ITGAM: variants seen among roughly 807,000 people sequenced by gnomAD.
The protein encoded by ITGAM is integrin alpha-M.
Under a neutral mutation model 137.5 loss-of-function variants are expected in ITGAM, and 79 were observed. The ratio of observed to expected loss-of-function variants is 0.57; its 90% CI spans 0.48 to 0.69. The LOEUF (loss-of-function observed/expected upper bound fraction) is 0.69, where lower values mean the gene tolerates loss of function less well. Ranked by LOEUF, ITGAM falls within the 30% of genes least tolerant of loss-of-function variation. The probability of loss-of-function intolerance (pLI) is 0.00; values close to 1 mark genes in which losing one functional copy is unlikely to be tolerated. For missense variants in ITGAM, 1,343 were observed against 1,483.5 expected (o/e 0.91, Z 1.56); for synonymous variants, 583 against 592.3 (o/e 0.98, Z 0.23).
Position 31,329,124 on chromosome 16 carries a change from C to A in ITGAM, c.2793-104C>A, listed in dbSNP as rs969272865. The A allele has an allele frequency of 6.0e-6, 3 of 502,226 alleles. No homozygotes were observed. The African/African-American group carries it at 6.0e-5, about 10-fold the overall frequency. 31.1% of individuals were successfully genotyped at this position (502,226 alleles called of 1,614,324 possible). ...ATCTCCACCCCCCAGGACTTCATAC[C>A]CATTACCCATGTGCCTGTTCGCTCC... is the stretch of plus-strand genomic sequence containing the variant. On this transcript the variant is annotated intron_variant, in intron 23 of 29. Coordinates refer to ENST00000544665, the MANE Select transcript of ITGAM (RefSeq NM_000632.4).
intron 28 of ITGAM, 36 bp from the exon 29 acceptor site, chr16:31,331,129 A>C: frequency 9.1e-7 from 1 of 1,093,942 alleles, no homozygotes; most frequent in Non-Finnish European, 1.4e-6. Context: ...AGAAATCCAG[A>C]GTCGTCTCCC....
chr16:31,270,744 T>TATATATATATA (rs1567248965), intron 5 of ITGAM, among the ~76,000 whole-genome samples: 1 of 106,110 alleles, frequency 9.4e-6, no homozygotes, highest in Non-Finnish European at 1.9e-5. Flanking sequence ...TATATATATA[T>TATATATATATA]GTTTTTAACG....
chr16:31,302,698 CTAA>C (rs2080219927), intron 14 of ITGAM, among the ~76,000 whole-genome samples: 1 of 149,880 alleles, frequency 6.7e-6, no homozygotes, highest in Admixed American at 6.6e-5. Context: ...CTACGCCTGG[CTAA>C]TATTTTTCTC....
At position 31,325,530 on chromosome 16, in the gene ITGAM, G is replaced by A; in HGVS notation, c.2536G>A (p.Ala846Thr). The A allele has an allele frequency of 6.2e-7, 1 of 1,613,926 alleles. No homozygotes were observed. Among genetic ancestry groups the A allele is most frequent in the Non-Finnish European group, 8.5e-7 (1 of 1,179,872 alleles). ...GCGCTCACAGCGATCCTGGCGCCTG[G>A]CCTGTGAGTCTGCCTCCTCCACCGA... is the stretch of plus-strand genomic sequence containing the variant. The part of the protein sequence containing the change: ...NQRSQRSWRL[A>T]CESASSTEVS... The change falls in exon 21 of 30, where the codon GCC (alanine) becomes ACC (threonine). Residue 846 changes from alanine to threonine, a missense_variant. Physicochemically the swap from Ala to Thr is moderately conservative, Grantham distance 58 (BLOSUM62 0). Coordinates refer to ENST00000544665, the MANE Select transcript of ITGAM (RefSeq NM_000632.4).
intron 14 of ITGAM, among the ~76,000 whole-genome samples, chr16:31,311,989 C>T: frequency 6.6e-6 from 1 of 151,788 alleles, no homozygotes; most frequent in East Asian, 1.9e-4. Flanking sequence ...TTTGTAGGGA[C>T]ATGGATGAAG....
At chr16:31,262,323 C>T (rs1160988173) in intron 2 of ITGAM, among the ~76,000 whole-genome samples, 18 of 145,490 alleles carry the variant, frequency 1.2e-4, no homozygotes, top group African/African-American at 3.7e-4. Flanking sequence ...CCTTCCCTCC[C>T]TTCCCTCCCT....
intron 13 of ITGAM, 31 bp from the exon 14 acceptor site, chr16:31,297,714 G>C: frequency 6.3e-7 from 1 of 1,595,176 alleles, no homozygotes; most frequent in Non-Finnish European, 8.5e-7. Context: ...GGTCGCCTGG[G>C]TTGGGGCCTG....
In ITGAM at chr16:31,272,004, C is replaced by G; in HGVS notation, c.704+12C>G. The G allele has an allele frequency of 6.2e-7, 1 of 1,613,884 alleles. No individual in the cohort carries two copies. Among genetic ancestry groups the G allele is most frequent in the Non-Finnish European group, 8.5e-7 (1 of 1,179,844 alleles). ...ATCCGCAAAGTGGTGTAAGCTTCCCCTTTTCCCTTAGGATGGAGGGAGGAG... is the reference window on the plus strand; with the variant it reads ...ATCCGCAAAGTGGTGTAAGCTTCCCGTTTTCCCTTAGGATGGAGGGAGGAG... On this transcript the variant is annotated intron_variant, in intron 7 of 29. Transcript: ENST00000544665.
chr16:31,267,260 A>G (rs1169715857), intron 5 of ITGAM, among the ~76,000 whole-genome samples: 1 of 151,898 alleles, frequency 6.6e-6, no homozygotes, highest in Non-Finnish European at 1.5e-5. Flanking sequence ...GCTTGTCTTC[A>G]TGTTGATTCT....
In ITGAM at chr16:31,267,382, C is replaced by T. The variant is rs576217787; in HGVS notation, c.427+1235C>T. On this transcript the variant is annotated intron_variant, in intron 5 of 29. Transcript: ENST00000544665. ...CCTTCCTCCACAGAGAAAACAAAAG[C>T]TTCAGGCATGGACTCCCTCCACTTT... Among the ~76,000 whole-genome samples the T allele has an allele frequency of 4.6e-5, 7 of 152,242 alleles. No homozygotes were observed. In the South Asian group the frequency reaches 1.5e-3, roughly 32 times the overall value.
intron 12 of ITGAM, among the ~76,000 whole-genome samples, chr16:31,284,330 G>T (rs2080004201): frequency 1.3e-5 from 2 of 152,218 alleles, no homozygotes; most frequent in Admixed American, 1.3e-4. Context: ...CAGAGGTGGA[G>T]TCTACAGAGG....
In ITGAM at chr16:31,324,501, C is replaced by T. The variant is rs1429636817; in HGVS notation, c.2105C>T (p.Thr702Ile). ...NETKNSTRRQ[T>I]QVLGLTQTCE... ...ACAAAGAACAGCACACGCAGACAGA[C>T]ACAGGTCTTGGGGCTGACCCAGACT... The change falls in exon 17 of 30, where the codon ACA (threonine) becomes ATA (isoleucine). Residue 702 changes from threonine to isoleucine, a missense_variant. Coordinates refer to ENST00000544665, the MANE Select transcript of ITGAM (RefSeq NM_000632.4). This position sits in a 1 kb window ranked among gnomAD's most constrained non-coding sequence, Gnocchi z 4.5. 5.6e-6 allele frequency: 9 copies of T among 1,602,238 alleles called. No individual in the cohort carries two copies. The highest frequency in any genetic ancestry group is 7.7e-6 in the Non-Finnish European group (9 of 1,174,576).
At chr16:31,268,201 G>A (rs1456552066) in intron 5 of ITGAM, among the ~76,000 whole-genome samples, 2 of 152,052 alleles carry the variant, frequency 1.3e-5, no homozygotes, top group East Asian at 3.9e-4. Context: ...GGGGCACTGG[G>A]TTCTGGGTTC....
At chr16:31,291,819 G>T (rs572924388) in intron 12 of ITGAM, among the ~76,000 whole-genome samples, 1 of 152,154 alleles carries the variant, frequency 6.6e-6, no homozygotes, top group African/African-American at 2.4e-5. Flanking sequence ...GTAAAGAGGG[G>T]ATGGTTAATG....
chr16:31,308,157 C>T lies in ITGAM; in HGVS notation c.1707+10203C>T, dbSNP rs562884788. The stretch of plus-strand genomic sequence containing the variant: ...GGCTTTGGTCTCAGGATGATGCTGG[C>T]CTTATAAAATGAGTTAGGGAGGATT... On this transcript the variant is annotated intron_variant, in intron 14 of 29. Coordinates refer to ENST00000544665, the MANE Select transcript of ITGAM (RefSeq NM_000632.4). Among the ~76,000 whole-genome samples, 6 of 152,234 alleles carry T rather than the reference C, an allele frequency of 3.9e-5. No homozygotes were observed. In the South Asian group the frequency reaches 1.2e-3, roughly 32 times the overall value.
intron 14 of ITGAM, among the ~76,000 whole-genome samples, chr16:31,308,861 T>C (rs2080293395): frequency 6.7e-6 from 1 of 149,858 alleles, no homozygotes; most frequent in Non-Finnish European, 1.5e-5. Flanking sequence ...GTCTTTGTTC[T>C]CATTGGTTTC....
intron 5 of ITGAM, among the ~76,000 whole-genome samples, chr16:31,269,467 C>T (rs2079805195): frequency 6.6e-6 from 1 of 152,100 alleles, no homozygotes; most frequent in Admixed American, 6.5e-5. Flanking sequence ...AAGTGTCTCC[C>T]AAAGTTAGCT....
intron 14 of ITGAM, among the ~76,000 whole-genome samples, chr16:31,311,071 G>A (rs2080324361): frequency 6.6e-6 from 1 of 152,156 alleles, no homozygotes; most frequent in South Asian, 2.1e-4. Context: ...TGGGAAAACT[G>A]GCTGGCCATA....
intron 11 of ITGAM, 111 bp downstream of exon 11, chr16:31,277,160 A>G (rs2079916478): frequency 8.7e-6 from 8 of 920,846 alleles, no homozygotes; most frequent in Middle Eastern, 4.6e-4. Context: ...ATGGGATACT[A>G]GCTATTAGTC....
Sources: allele counts gnomAD v4.1 joint callset (sites outside exome capture counted in the v4.1 genomes callset), GRCh38; gene constraint gnomAD v4.1.1; non-coding constraint Gnocchi (gnomAD v3.1); transcripts MANE v1.5; gene names NCBI Gene and HGNC (gene_info 2026-07-23, HGNC 2026-07-21).